The following MCM9 variants were observed in gnomAD, a reference collection of about 807,000 sequenced individuals.
The protein encoded by MCM9 is minichromosome maintenance 9 homologous recombination repair factor, also known as DNA helicase MCM9.
A neutral mutation model predicts 72.8 loss-of-function variants in MCM9; 55 were observed. The ratio of observed to expected loss-of-function variants is 0.76; its 90% CI spans 0.61 to 0.95. The LOEUF (loss-of-function observed/expected upper bound fraction) is 0.95. Among genes scored for constraint, MCM9 ranks in the 40% least tolerant of loss-of-function variants. MCM9 has a pLI of 0.00. For missense variants in MCM9, 1,279 were observed against 1,377.0 expected, an observed-to-expected ratio of 0.93 and a Z score of 1.13; for synonymous variants, 480 against 503.4, an observed-to-expected ratio of 0.95 and a Z score of 0.62.
intron 9 of MCM9, among the ~76,000 whole-genome samples, chr6:118,833,188 A>G (rs754137141): frequency 4.6e-5 from 7 of 152,188 alleles, no homozygotes; most frequent in Non-Finnish European, 8.8e-5. Flanking sequence ...TGACACGAAC[A>G]AGAAAAACTT....
At chr6:118,879,787 T>A (rs1778169185) in intron 8 of MCM9, among the ~76,000 whole-genome samples, 1 of 150,712 alleles carries the variant, frequency 6.6e-6, no homozygotes, top group Admixed American at 6.6e-5. Flanking sequence ...CTAATGCCTG[T>A]AATCCCAGCA....
intron 8 of MCM9, among the ~76,000 whole-genome samples, chr6:118,899,478 AT>A (rs1779660838): frequency 1.3e-5 from 2 of 152,006 alleles, no homozygotes; most frequent in Non-Finnish European, 2.9e-5. Context: ...CGAGATACTT[AT>A]ATTGCCTACT....
At chr6:118,911,048 TA>T in intron 8 of MCM9, 1 of 983,648 alleles carries the variant, frequency 1.0e-6, no homozygotes, top group Non-Finnish European at 1.2e-6. Context: ...ACATATTTTT[TA>T]AAATAATTTT....
intron 8 of MCM9, among the ~76,000 whole-genome samples, chr6:118,881,592 T>A (rs567082801): frequency 6.6e-6 from 1 of 152,254 alleles, no homozygotes; most frequent in South Asian, 2.1e-4. Context: ...AAACCAGGAA[T>A]AATGACTGCA....
chr6:118,854,646 C>T (rs564286361), intron 9 of MCM9, among the ~76,000 whole-genome samples: 20 of 152,334 alleles, frequency 1.3e-4, no homozygotes, highest in Admixed American at 8.5e-4. Flanking sequence ...AGCCATTGTG[C>T]CCAGCCTCAT....
In MCM9 at chr6:118,826,727, A is replaced by T. The variant is rs149489105; in HGVS notation, c.1815+55T>A. 4.8e-5 allele frequency: 63 copies of T among 1,320,204 alleles called. No homozygotes were observed. In the Middle Eastern group the frequency reaches 5.5e-4, roughly 12 times the overall value. 81.8% of individuals were successfully genotyped at this position (1,320,204 alleles called of 1,614,324 possible). A position where few individuals can be genotyped will look rare whatever the true frequency, so the allele number is the denominator to read the frequency against. On this transcript the variant is annotated intron_variant, in intron 12 of 13. Transcript: ENST00000619706. ...ATATGTTAATAAAGTGTCCTTTTTTAAAAAAAAGAAAGTTTGTAATTAGGA... is the reference window on the plus strand; with the variant it reads ...ATATGTTAATAAAGTGTCCTTTTTTTAAAAAAAGAAAGTTTGTAATTAGGA...
Position 118,815,797 on chromosome 6 carries a change from T to G in MCM9, c.2459A>C (p.Lys820Thr). 1 of 1,539,354 alleles carries G rather than the reference T, an allele frequency of 6.5e-7. No homozygotes were observed. Among genetic ancestry groups the G allele is most frequent in the Non-Finnish European group, 8.7e-7 (1 of 1,147,028 alleles). The change falls in exon 14 of 14, where the codon AAA (lysine) becomes ACA (threonine). Residue 820 changes from lysine (K) to threonine (T), a missense_variant. Coordinates refer to ENST00000619706, the MANE Select transcript of MCM9 (RefSeq NM_017696.3). ...TTCAGAATCTAGTGCTAGCCTTTTT[T>G]TCTTGTTACTTTCCACATTGTCTGC... ...WRADNVESNK[K>T]KRLALDSEAA...
At chr6:118,884,741 T>C (rs1399215457) in intron 8 of MCM9, among the ~76,000 whole-genome samples, 3 of 152,176 alleles carry the variant, frequency 2.0e-5, no homozygotes, top group African/African-American at 4.8e-5. Flanking sequence ...AACATACGTA[T>C]GTAAATATCA....
chr6:118,872,969 G>C (rs931144304), intron 8 of MCM9, among the ~76,000 whole-genome samples: 15 of 151,936 alleles, frequency 9.9e-5, no homozygotes, highest in African/African-American at 3.4e-4. Context: ...GGAAGTTAGA[G>C]ACCAGCCTGA....
chr6:118,903,161 T>G (rs1361540782), intron 8 of MCM9, among the ~76,000 whole-genome samples: 2 of 152,184 alleles, frequency 1.3e-5, no homozygotes, highest in Non-Finnish European at 2.9e-5. Flanking sequence ...GGAACCAATT[T>G]ACTGAAGGGA....
At position 118,923,938 on chromosome 6, in the gene MCM9, G is replaced by A. The variant is rs1781650988; in HGVS notation, c.494C>T (p.Thr165Ile). 6.2e-7 allele frequency: 1 copy of A among 1,614,112 alleles called. No homozygotes were observed. The highest frequency in any genetic ancestry group is 1.7e-5 in the Admixed American group (1 of 60,004). Reference protein sequence around the residue: ...VIKADFEQYYTFCRPSSCPSL... With the variant: ...VIKADFEQYYIFCRPSSCPSL... Reference sequence around the variant, plus strand: ...GGGACACGAGGATGGCCGGCAAAAGGTGTAATACTGCTCAAAGTCAGCCTT... The same window carrying A: ...GGGACACGAGGATGGCCGGCAAAAGATGTAATACTGCTCAAAGTCAGCCTT... The change falls in exon 4 of 14, where the codon ACC (threonine) becomes ATC (isoleucine). Residue 165 changes from threonine (T) to isoleucine (I), a missense_variant. Thr to Ile is a moderately conservative substitution (Grantham distance 89). Transcript: ENST00000619706.
intron 13 of MCM9, among the ~76,000 whole-genome samples, chr6:118,818,616 A>G (rs1773572350): frequency 6.6e-6 from 1 of 152,052 alleles, no homozygotes; most frequent in Admixed American, 6.6e-5. Context: ...TACCGGCTCT[A>G]TTTTGGTTCC....
chr6:118,875,675 A>G (rs1275675088), intron 8 of MCM9, among the ~76,000 whole-genome samples: 1 of 151,586 alleles, frequency 6.6e-6, no homozygotes, highest in African/African-American at 2.4e-5. Context: ...AATAATAATA[A>G]TAATAATGAC....
chr6:118,893,845 C>CAAA (rs750220069), intron 8 of MCM9, among the ~76,000 whole-genome samples: 687 of 56,728 alleles, frequency 0.012, 4 homozygotes, highest in African/African-American at 0.026. Flanking sequence ...ACCAAAAAAA[C>CAAA]AAAAAAAAAA....
intron 8 of MCM9, among the ~76,000 whole-genome samples, chr6:118,872,702 G>A (rs776372492): frequency 6.6e-6 from 1 of 152,010 alleles, no homozygotes; most frequent in African/African-American, 2.4e-5. Context: ...AAAGTTGTAG[G>A]ATACAGCAAA....
At chr6:118,816,596 ATTGT>A (rs1159626526) in intron 13 of MCM9, among the ~76,000 whole-genome samples, 16 of 152,298 alleles carry the variant, frequency 1.1e-4, no homozygotes, top group Non-Finnish European at 2.2e-4. Context: ...TTCATTTAAG[ATTGT>A]TTGAAGATCA....
intron 8 of MCM9, among the ~76,000 whole-genome samples, chr6:118,895,992 G>C (rs143349517): frequency 0.01 from 1,573 of 150,476 alleles, 30 homozygotes; most frequent in African/African-American, 0.036. Flanking sequence ...TCAGTGCCTT[G>C]CCCTATCTCC....
At chr6:118,905,486 CTTA>C (rs1302595426) in intron 8 of MCM9, among the ~76,000 whole-genome samples, 2 of 152,168 alleles carry the variant, frequency 1.3e-5, no homozygotes, top group African/African-American at 4.8e-5. Context: ...TCTTTTCCAG[CTTA>C]TTATAAGTCA....
At chr6:118,839,155 C>T (rs984888219) in intron 9 of MCM9, among the ~76,000 whole-genome samples, 16 of 151,740 alleles carry the variant, frequency 1.1e-4, no homozygotes, top group African/African-American at 2.4e-4. Flanking sequence ...CTCATCTTCA[C>T]GCTTTATTTC....
Sources: gnomAD v4.1 joint callset for allele counts (sites outside exome capture counted in the v4.1 genomes callset) on GRCh38, gnomAD v4.1.1 for gene constraint, MANE v1.5 for transcripts, NCBI Gene and HGNC (gene_info 2026-07-23, HGNC 2026-07-21) for gene names.